Variants in PHF20 observed in about 807,000 individuals in gnomAD.
The protein encoded by PHF20 is glioma-expressed antigen 2.
PHF20 carries 23 observed loss-of-function variants against 113.5 expected under a neutral mutation model. That is an observed-to-expected ratio of 0.20 (90% CI 0.15 to 0.29). PHF20 has a LOEUF of 0.29. Among genes scored for constraint, PHF20 ranks in the 10% least tolerant of loss-of-function variants. The pLI is 1.00. For missense variants in PHF20, 943 were observed against 1,219.6 expected (o/e 0.77, Z 3.38); for synonymous variants, 434 against 457.3 (o/e 0.95, Z 0.65).
intron 1 of PHF20, among the ~76,000 whole-genome samples, chr20:35,772,388 G>T (rs987526674): frequency 2.0e-5 from 3 of 152,092 alleles, no homozygotes; most frequent in African/African-American, 7.2e-5. Flanking sequence ...CGCGGAGCGG[G>T]CCGTGTTGGG....
intron 1 of PHF20, among the ~76,000 whole-genome samples, chr20:35,788,330 T>A (rs544025908): frequency 6.7e-6 from 1 of 149,502 alleles, no homozygotes; most frequent in African/African-American, 2.5e-5. Flanking sequence ...TCTCCTAACC[T>A]CGTGATCCAC....
At chr20:35,894,847 G>C (rs2054947971) in intron 9 of PHF20, among the ~76,000 whole-genome samples, 1 of 152,118 alleles carries the variant, frequency 6.6e-6, no homozygotes, top group South Asian at 2.1e-4. Context: ...GTATACACAA[G>C]AGTGCAAGTT....
rs139852757 is a variant in PHF20 at position 35,918,974 on chromosome 20, C to A, written c.2004+1312C>A. On this transcript the variant is annotated intron_variant, in intron 13 of 17. Transcript: ENST00000374012. The stretch of plus-strand genomic sequence containing the variant: ...TGCTTTCTGTGATAGAATATTATTT[C>A]CTTGCCCTTTCAGTACTGTAGGTTG... Among the ~76,000 whole-genome samples the A allele has an allele frequency of 2.7e-3, 418 of 152,272 alleles. 1 individual carries two copies. The highest frequency in any genetic ancestry group is 9.5e-3 in the African/African-American group (393 of 41,554).
At chr20:35,790,056 C>T (rs1420719190) in intron 1 of PHF20, among the ~76,000 whole-genome samples, 2 of 151,514 alleles carry the variant, frequency 1.3e-5, no homozygotes, top group African/African-American at 4.9e-5. Flanking sequence ...GGGTTTTCAC[C>T]ACATTGGCCA....
intron 17 of PHF20, among the ~76,000 whole-genome samples, chr20:35,942,042 A>G (rs1783261607): frequency 6.6e-6 from 1 of 152,148 alleles, no homozygotes; most frequent in Non-Finnish European, 1.5e-5. Context: ...GCTCACACCT[A>G]TAATCCCAGT....
intron 1 of PHF20, among the ~76,000 whole-genome samples, chr20:35,789,940 C>T (rs1213145840): frequency 1.2e-4 from 18 of 150,180 alleles, no homozygotes; most frequent in African/African-American, 3.7e-4. Flanking sequence ...CTGCAACCTC[C>T]GCCTCCCGGG....
chr20:35,849,944 C>A (rs2042689466), intron 4 of PHF20, among the ~76,000 whole-genome samples: 1 of 152,122 alleles, frequency 6.6e-6, no homozygotes, highest in Non-Finnish European at 1.5e-5. Context: ...TGGGTGGGGA[C>A]TGTAGCCAGA....
intron 1 of PHF20, among the ~76,000 whole-genome samples, chr20:35,789,720 A>G (rs555651789): frequency 1.2e-3 from 171 of 141,338 alleles, no homozygotes; most frequent in African/African-American, 4.1e-3. Context: ...CTAATTTTTT[A>G]TATTTTTAGT....
intron 10 of PHF20, among the ~76,000 whole-genome samples, chr20:35,911,574 T>C (rs1487585450): frequency 2.0e-5 from 3 of 152,326 alleles, no homozygotes; most frequent in Non-Finnish European, 4.4e-5. Flanking sequence ...TATAAACTCT[T>C]GTTGATATCT....
Position 35,842,507 on chromosome 20 carries a change from A to G in PHF20, c.84-66A>G. ...TTGGGAAGAGGTTTGGAAATGTACCATTATGGATATTTGGATATTTGGGGT... is the reference window on the plus strand; with the variant it reads ...TTGGGAAGAGGTTTGGAAATGTACCGTTATGGATATTTGGATATTTGGGGT... On this transcript the variant is annotated intron_variant, in intron 2 of 17. Transcript: ENST00000374012. 7 of 1,387,150 alleles carry G rather than the reference A, an allele frequency of 5.0e-6. No individual in the cohort carries two copies. The South Asian group carries it at 8.9e-5, about 18-fold the overall frequency. 85.9% of individuals were successfully genotyped at this position (1,387,150 alleles called of 1,614,324 possible). A position where few individuals can be genotyped will look rare whatever the true frequency, so the allele number is the denominator to read the frequency against.
intron 2 of PHF20, 24 bp from the exon 3 acceptor site, chr20:35,842,549 C>A: frequency 6.3e-7 from 1 of 1,597,616 alleles, no homozygotes; most frequent in Non-Finnish European, 8.5e-7. Context: ...TAAAGGAATG[C>A]CAATTTTTTT....
chr20:35,876,050 C>T (rs1464842213), intron 9 of PHF20, among the ~76,000 whole-genome samples: 1 of 152,086 alleles, frequency 6.6e-6, no homozygotes, highest in Non-Finnish European at 1.5e-5. Context: ...GATTTCATGT[C>T]GTCGTCTGCA....
intron 2 of PHF20, among the ~76,000 whole-genome samples, chr20:35,804,563 G>T (rs1336266253): frequency 6.6e-6 from 1 of 151,836 alleles, no homozygotes; most frequent in Admixed American, 6.6e-5. Context: ...GTAGAGATGG[G>T]GTTTCGCCAT....
At chr20:35,846,046 C>T (rs915653042) in intron 3 of PHF20, among the ~76,000 whole-genome samples, 5 of 151,604 alleles carry the variant, frequency 3.3e-5, no homozygotes, top group South Asian at 2.1e-4. Context: ...ATTACAGGCA[C>T]GAGCCACTGT....
intron 13 of PHF20, among the ~76,000 whole-genome samples, chr20:35,920,403 C>G (rs1012626981): frequency 2.0e-5 from 3 of 152,176 alleles, no homozygotes; most frequent in African/African-American, 7.2e-5. Context: ...GCTAAGGTAA[C>G]TGGGTACAGC....
At chr20:35,780,961 C>G (rs1021705015) in intron 1 of PHF20, among the ~76,000 whole-genome samples, 1 of 144,720 alleles carries the variant, frequency 6.9e-6, no homozygotes, top group Non-Finnish European at 1.5e-5. Context: ...TCAAGTGATT[C>G]TCTTACCTCA....
At chr20:35,872,887 C>T (rs2054448085) in intron 9 of PHF20, among the ~76,000 whole-genome samples, 2 of 152,222 alleles carry the variant, frequency 1.3e-5, no homozygotes, top group Admixed American at 1.3e-4. Context: ...TGTGTTTGTT[C>T]TGTATCTGTC....
intron 1 of PHF20, among the ~76,000 whole-genome samples, chr20:35,784,070 T>C (rs2041358211): frequency 6.6e-6 from 1 of 151,538 alleles, no homozygotes; most frequent in Non-Finnish European, 1.5e-5. Context: ...TTTTTTTTTT[T>C]TGAGACAGTG....
At chr20:35,927,989 C>T (rs546919288) in intron 14 of PHF20, 110 bp downstream of exon 14, 29 of 781,620 alleles carry the variant, frequency 3.7e-5, no homozygotes, top group Admixed American at 1.1e-4. Flanking sequence ...TCTTCAGCAT[C>T]GGCTAGACTC....
Sources: gnomAD v4.1 joint callset for allele counts (sites outside exome capture counted in the v4.1 genomes callset) on GRCh38, gnomAD v4.1.1 for gene constraint, MANE v1.5 for transcripts, NCBI Gene and HGNC (gene_info 2026-07-23, HGNC 2026-07-21) for gene names.